The following TRPM3 variants were observed in gnomAD, a reference collection of about 807,000 sequenced individuals.
TRPM3 encodes the protein transient receptor potential cation channel subfamily M member 3.
TRPM3 carries 77 observed loss-of-function variants against 181.2 expected under a neutral mutation model. The observed-to-expected ratio is 0.42, with a 90% confidence interval of 0.35 to 0.51. TRPM3 has a LOEUF of 0.51. TRPM3 is among the 20% of genes least tolerant of loss of function. TRPM3 has a pLI of 0.01. For synonymous variants in TRPM3, 745 were observed against 796.4 expected, an observed-to-expected ratio of 0.94 and a Z score of 1.09; for missense variants, 1,759 against 2,196.7, an observed-to-expected ratio of 0.80 and a Z score of 3.98.
In TRPM3 at chr9:71,073,973, T is replaced by C. The variant is rs545646327; in HGVS notation, c.177+47205A>G. ...CAAATTTCAACTTTCATTGCTGGAT[T>C]TTTTTCTGTATAAAGAATACATCTT... On this transcript the variant is annotated intron_variant, in intron 1 of 25. Transcript: ENST00000677713. 5.3e-5 allele frequency among the ~76,000 whole-genome samples: 8 copies of C among 152,308 alleles called. No homozygotes were observed. In the South Asian group the frequency reaches 1.7e-3, roughly 32 times the overall value.
rs994264944 is a variant in TRPM3 at position 71,141,803 on chromosome 9, T to A, written c.184-277292A>T. Among the ~76,000 whole-genome samples, 2 of 152,220 alleles carry A rather than the reference T, an allele frequency of 1.3e-5. 1 individual carries two copies. Among genetic ancestry groups the A allele is most frequent in the East Asian group, 3.8e-4 (2 of 5,196 alleles). ...ATGTCTGTCGTTCTGCTGGTTGTTG[T>A]CTTGCAAAATCTCAATTACTTTGGC... On this transcript the variant is annotated intron_variant, in intron 1 of 24. Transcript: ENST00000357533.
At chr9:71,241,820 A>C (rs1349247323) in intron 1 of TRPM3, among the ~76,000 whole-genome samples, 1 of 152,228 alleles carries the variant, frequency 6.6e-6, no homozygotes, top group African/African-American at 2.4e-5. Flanking sequence ...ATGCAGATCC[A>C]CTTTACAATG....
intron 1 of TRPM3, among the ~76,000 whole-genome samples, chr9:71,147,839 A>C (rs2075510422): frequency 6.6e-6 from 1 of 152,164 alleles, no homozygotes; most frequent in African/African-American, 2.4e-5. Context: ...ACAATGCAAT[A>C]AACAGGGGCC....
At chr9:71,230,315 G>C (rs2080968389) in intron 1 of TRPM3, among the ~76,000 whole-genome samples, 1 of 151,814 alleles carries the variant, frequency 6.6e-6, no homozygotes. Context: ...ACCAGAGTCT[G>C]GGAAAAGTAG....
chr9:70,940,294 A>G (rs759004134), intron 1 of TRPM3, among the ~76,000 whole-genome samples: 7 of 152,218 alleles, frequency 4.6e-5, no homozygotes, highest in Non-Finnish European at 1.0e-4. Flanking sequence ...TCACTAACCT[A>G]CAAAGTCGTA....
At chr9:71,446,944 C>T (rs2094211625), upstream of TRPM3, 1 of 1,165,868 alleles carries the variant, frequency 8.6e-7, no homozygotes, top group Non-Finnish European at 1.1e-6. Flanking sequence ...TTGGCGCTGC[C>T]TTTGCCTCCG....
rs1464084224 is a variant in TRPM3 at position 71,201,607 on chromosome 9, G to A, written c.183+245046C>T. 4.6e-5 allele frequency among the ~76,000 whole-genome samples: 7 copies of A among 152,046 alleles called. No individual in the cohort carries two copies. In the South Asian group the frequency reaches 6.2e-4, roughly 14 times the overall value. ...CTTTTTTCTCTAAACTTCCCTTCCC[G>A]CTTCATTTCATTCATTTTATCTTCC... On this transcript the variant is annotated intron_variant, in intron 1 of 24. Coordinates refer to the TRPM3 transcript ENST00000357533.
At chr9:71,225,808 C>G (rs1438394694) in intron 1 of TRPM3, among the ~76,000 whole-genome samples, 1 of 151,560 alleles carries the variant, frequency 6.6e-6, no homozygotes, top group East Asian at 1.9e-4. Flanking sequence ...AGGCACCCAC[C>G]ACCATGACCC....
intron 14 of TRPM3, among the ~76,000 whole-genome samples, chr9:70,624,972 T>G (rs2064272096): frequency 6.6e-6 from 1 of 152,240 alleles, no homozygotes; most frequent in Non-Finnish European, 1.5e-5. Context: ...TTCTCAACAA[T>G]TTTTAAAGGT....
intron 1 of TRPM3, among the ~76,000 whole-genome samples, chr9:71,046,015 C>T (rs1342742308): frequency 6.7e-6 from 1 of 150,336 alleles, no homozygotes; most frequent in Non-Finnish European, 1.5e-5. Context: ...GATGGAGCCT[C>T]ACTCTGTCAC....
intron 1 of TRPM3, among the ~76,000 whole-genome samples, chr9:71,264,336 A>G (rs1345034136): frequency 1.3e-5 from 2 of 152,158 alleles, no homozygotes; most frequent in Non-Finnish European, 2.9e-5. Flanking sequence ...CTCCCCTCCC[A>G]TCTGTACTAT....
At chr9:71,120,555 A>T (rs919492409) in intron 1 of TRPM3, among the ~76,000 whole-genome samples, 2 of 152,158 alleles carry the variant, frequency 1.3e-5, no homozygotes, top group African/African-American at 4.8e-5. Flanking sequence ...CTGACATTCA[A>T]TATATGTTTA....
chr9:71,418,803 T>A (rs1207237964), intron 1 of TRPM3, among the ~76,000 whole-genome samples: 3 of 42,180 alleles, frequency 7.1e-5, no homozygotes, highest in Non-Finnish European at 1.5e-4. Flanking sequence ...TTTGAGATAC[T>A]ATATATATAC....
chr9:70,975,797 T>A (rs965786467), intron 1 of TRPM3, among the ~76,000 whole-genome samples: 3 of 152,190 alleles, frequency 2.0e-5, no homozygotes, highest in African/African-American at 7.2e-5. Flanking sequence ...TAAGGTGGAA[T>A]AAAATGTCAA....
intron 1 of TRPM3, among the ~76,000 whole-genome samples, chr9:71,190,334 T>C (rs1181336780): frequency 6.6e-6 from 1 of 151,870 alleles, no homozygotes; most frequent in Admixed American, 6.6e-5. Flanking sequence ...CCTAAGTAAA[T>C]AATAAGCATT....
At chr9:71,293,390 A>G (rs2085988531) in intron 1 of TRPM3, among the ~76,000 whole-genome samples, 1 of 151,912 alleles carries the variant, frequency 6.6e-6, no homozygotes, top group African/African-American at 2.4e-5. Flanking sequence ...AAACTTAAGC[A>G]TTTCCAAATT....
At chr9:71,036,073 GA>G (rs1375691440) in intron 1 of TRPM3, among the ~76,000 whole-genome samples, 1 of 149,592 alleles carries the variant, frequency 6.7e-6, no homozygotes, top group Non-Finnish European at 1.5e-5. Context: ...TTATGATCTG[GA>G]AATGGAAGAT....
intron 7 of TRPM3, chr9:70,775,352 C>T (rs1387292866): frequency 6.6e-6 from 1 of 152,174 alleles, no homozygotes; most frequent in Non-Finnish European, 1.5e-5. Context: ...ATTTGTGCAT[C>T]TCATGGTAAG....
At chr9:70,934,375 T>TCA (rs1463702514) in intron 1 of TRPM3, among the ~76,000 whole-genome samples, 2 of 152,242 alleles carry the variant, frequency 1.3e-5, no homozygotes, top group East Asian at 3.9e-4. Context: ...CATGTGACTG[T>TCA]TATGTGGTAA....
Sources: allele counts gnomAD v4.1 joint callset (sites outside exome capture counted in the v4.1 genomes callset), GRCh38; gene constraint gnomAD v4.1.1; transcripts MANE v1.5; gene names NCBI Gene and HGNC (gene_info 2026-07-23, HGNC 2026-07-21).